COPG1: variants seen among roughly 807,000 people sequenced by gnomAD.
The protein encoded by COPG1 is coat protein complex I subunit gamma 1, also known as coatomer subunit gamma-1.
In COPG1, 29 loss-of-function variants were observed where a neutral mutation model predicts 102.8. The observed-to-expected ratio is 0.28, with a 90% CI of 0.21 to 0.38. The LOEUF is 0.38. Among genes scored for constraint, COPG1 ranks in the 10% least tolerant of loss-of-function variants. The pLI, the probability that COPG1 is intolerant of heterozygous loss-of-function variation, is 1.00. For synonymous variants in COPG1, 406 were observed against 421.6 expected (o/e 0.96, Z 0.45); for missense variants, 875 against 1,132.7 (o/e 0.77, Z 3.27).
At chr3:129,259,417 C>T (rs911054879) in intron 10 of COPG1, among the ~76,000 whole-genome samples, 5 of 147,552 alleles carry the variant, frequency 3.4e-5, no homozygotes, top group African/African-American at 1.0e-4. Context: ...GCCGAGATCG[C>T]GCCACTGCCC....
At chr3:129,260,032 C>A (rs964114397) in intron 10 of COPG1, among the ~76,000 whole-genome samples, 3 of 152,186 alleles carry the variant, frequency 2.0e-5, no homozygotes, top group African/African-American at 4.8e-5. Flanking sequence ...GTAAAGTGGG[C>A]TAGTGGTGGC....
rs767199731 is a variant in COPG1, at chr3:129,254,685, C to T, written c.341C>T (p.Thr114Ile). Residue 114 changes from threonine to isoleucine, a missense_variant, in exon 6 of 24, where the codon ACT becomes ATT. Thr to Ile is a moderately conservative substitution (Grantham distance 89, BLOSUM62 -1). Transcript: ENST00000314797. The stretch of plus-strand genomic sequence containing the variant: ...CCCTGCAGCCTAACAAAAGACATGA[C>T]TGGGAAAGAAGACAACTACCGGGGC... ...IVTSSLTKDMTGKEDNYRGPA... is the reference protein window; with the variant it reads ...IVTSSLTKDMIGKEDNYRGPA... 19 of 1,613,952 alleles carry T rather than the reference C, an allele frequency of 1.2e-5. No homozygotes were observed. Among genetic ancestry groups the T allele is most frequent in the Non-Finnish European group, 1.5e-5 (18 of 1,179,944 alleles).
At chr3:129,251,099 A>G in intron 2 of COPG1, among the ~76,000 whole-genome samples, 1 of 149,958 alleles carries the variant, frequency 6.7e-6, no homozygotes. Context: ...AATTTTTTGT[A>G]TTTTTAGTAG....
At chr3:129,269,760 A>C (rs1940150531) in intron 18 of COPG1, among the ~76,000 whole-genome samples, 1 of 152,132 alleles carries the variant, frequency 6.6e-6, no homozygotes, top group Admixed American at 6.5e-5. Flanking sequence ...TCGCTATAAC[A>C]TGAAACTTTC....
At chr3:129,263,014 CAA>C (rs1299713396) in intron 12 of COPG1, among the ~76,000 whole-genome samples, 7 of 54,306 alleles carry the variant, frequency 1.3e-4, no homozygotes, top group South Asian at 6.9e-4. Context: ...GACTCCGTCT[CAA>C]AAAAAAAAAA....
chr3:129,266,930 C>G, intron 14 of COPG1, 94 bp from the exon 15 acceptor site: 1 of 1,081,544 alleles, frequency 9.2e-7, no homozygotes. Context: ...CTCTGGGGCT[C>G]TTCTGCCTGA....
rs1940212470 is a variant in COPG1 at position 129,273,169 on chromosome 3, C to T, written c.2256+265C>T. Among the ~76,000 whole-genome samples, 3 of 151,954 alleles carry T rather than the reference C, an allele frequency of 2.0e-5. No individual in the cohort carries two copies. In the South Asian group the frequency reaches 6.2e-4, roughly 32 times the overall value. ...TCCCAAGTAGCTGGGATTACAGGCG[C>T]CCACCACCATGCCTGCCAAATTTTT... is the stretch of plus-strand genomic sequence containing the variant. On this transcript the variant is annotated intron_variant, in intron 21 of 23. Transcript: ENST00000314797.
chr3:129,271,684 A>G lies in COPG1; in HGVS notation c.1844-83A>G. Reference sequence around the variant, plus strand: ...TAAGGTAGGGTGGAACACCTTGAGAATGGTCATGGGAATTTATTAGAAACC... The same window carrying G: ...TAAGGTAGGGTGGAACACCTTGAGAGTGGTCATGGGAATTTATTAGAAACC... On this transcript the variant is annotated intron_variant, in intron 18 of 23. Transcript: ENST00000314797. The surrounding 1 kb of genome is among the most constrained non-coding windows in gnomAD (Gnocchi z 4.7). The G allele has an allele frequency of 6.5e-7, 1 of 1,547,932 alleles. No individual in the cohort carries two copies. Among genetic ancestry groups the G allele is most frequent in the Non-Finnish European group, 8.8e-7 (1 of 1,133,422 alleles).
chr3:129,264,023 G>C, intron 13 of COPG1, 24 bp downstream of exon 13: 3 of 1,578,894 alleles, frequency 1.9e-6, no homozygotes, highest in Non-Finnish European at 2.6e-6. Context: ...GCATTCGGGG[G>C]ATGCCAGGTC....
Position 129,249,709 on chromosome 3 carries a change from T to C in COPG1, c.-1T>C. ...CTGCATTGCGCCCCACCGACTCCAC[T>C]ATGTTGAAGAAATTCGACAAGAAGG... On this transcript the variant is annotated 5_prime_UTR_variant, in exon 1 of 24. Coordinates refer to ENST00000314797, the MANE Select transcript of COPG1 (RefSeq NM_016128.4). 1.9e-6 allele frequency: 3 copies of C among 1,551,462 alleles called. No individual in the cohort carries two copies. The highest frequency in any genetic ancestry group is 2.6e-6 in the Non-Finnish European group (3 of 1,146,908).
At position 129,268,572 on chromosome 3, in the gene COPG1, C is replaced by T. The variant is rs1940116818; in HGVS notation, c.1726C>T (p.Leu576Phe). ...TLEPSEKPFDLKSVPLATAPM... is the reference protein window; with the variant it reads ...TLEPSEKPFDFKSVPLATAPM... ...AGAACCATCAGAAAAACCTTTTGACCTCAAGTCTGTGCCCCTGGCCACGGC... is the reference window on the plus strand; with the variant it reads ...AGAACCATCAGAAAAACCTTTTGACTTCAAGTCTGTGCCCCTGGCCACGGC... Residue 576 changes from leucine to phenylalanine, a missense_variant, in exon 17 of 24, where the codon CTC (leucine) becomes TTC (phenylalanine). Transcript: ENST00000314797. The T allele has an allele frequency of 1.9e-6, 3 of 1,614,074 alleles. No homozygotes were observed. Among genetic ancestry groups the T allele is most frequent in the Non-Finnish European group, 2.5e-6 (3 of 1,180,042 alleles).
intron 2 of COPG1, among the ~76,000 whole-genome samples, chr3:129,251,773 C>G (rs1299295763): frequency 6.7e-6 from 1 of 149,976 alleles, no homozygotes; most frequent in East Asian, 2.0e-4. Flanking sequence ...CTGCAACCTC[C>G]GCCTCCTGGG....
intron 5 of COPG1, 133 bp from the exon 6 acceptor site, chr3:129,254,535 G>C (rs1465750695): frequency 1.6e-6 from 1 of 608,134 alleles, no homozygotes; most frequent in Non-Finnish European, 2.9e-6. Context: ...GTTAGGCTTG[G>C]AGGGGCAGGA....
chr3:129,267,221 G>GA (rs1206351287), intron 15 of COPG1, 122 bp downstream of exon 15: 71 of 660,370 alleles, frequency 1.1e-4, no homozygotes, highest in Middle Eastern at 2.6e-4. Flanking sequence ...ACTGATTGTA[G>GA]AAAAAAAAGA....
chr3:129,272,479 C>G, intron 20 of COPG1, 64 bp downstream of exon 20: 3 of 1,385,152 alleles, frequency 2.2e-6, no homozygotes, highest in Non-Finnish European at 3.0e-6. Flanking sequence ...AGGAGGTGGG[C>G]GGCTGGGCAC....
chr3:129,265,806 A>G lies in COPG1; in HGVS notation c.1468+14A>G. On this transcript the variant is annotated intron_variant, in intron 14 of 23. Coordinates refer to ENST00000314797, the MANE Select transcript of COPG1 (RefSeq NM_016128.4). ...AGGTCCGGGCAGGTAGGTCTGAGCC[A>G]GGGCTGAACTTGGAAACTTAGCTTA... 2 of 1,610,010 alleles carry G rather than the reference A, an allele frequency of 1.2e-6. No individual in the cohort carries two copies. The highest frequency in any genetic ancestry group is 1.7e-6 in the Non-Finnish European group (2 of 1,176,888).
At chr3:129,268,861 C>A in intron 17 of COPG1, 71 bp from the exon 18 acceptor site, 2 of 1,393,028 alleles carry the variant, frequency 1.4e-6, no homozygotes, top group Non-Finnish European at 2.0e-6. Context: ...TGAGTAATAG[C>A]ACTGGGGTCA....
intron 18 of COPG1, among the ~76,000 whole-genome samples, chr3:129,270,956 G>T (rs1202552290): frequency 6.6e-6 from 1 of 152,156 alleles, no homozygotes; most frequent in Non-Finnish European, 1.5e-5. Flanking sequence ...AGTAGATTTG[G>T]GATGGAGTCT....
intron 10 of COPG1, among the ~76,000 whole-genome samples, chr3:129,258,088 G>A (rs895597605): frequency 3.3e-5 from 5 of 152,232 alleles, no homozygotes; most frequent in South Asian, 4.1e-4. Context: ...GGTAAGGCTC[G>A]GGTCCACTCT....
Sources: gnomAD v4.1 joint callset for allele counts (sites outside exome capture counted in the v4.1 genomes callset) on GRCh38, gnomAD v4.1.1 for gene constraint, Gnocchi (gnomAD v3.1) non-coding constraint, MANE v1.5 for transcripts, NCBI Gene and HGNC (gene_info 2026-07-23, HGNC 2026-07-21) for gene names.